Variants in PARP12 observed in about 807,000 individuals in gnomAD.
The protein encoded by PARP12 is protein mono-ADP-ribosyltransferase PARP12.
A neutral mutation model predicts 72.4 loss-of-function variants in PARP12; 59 were observed. That is an observed-to-expected ratio of 0.81 (90% CI 0.66 to 1.01). The LOEUF is 1.01. Ranked by LOEUF, PARP12 falls within the 50% of genes least tolerant of loss-of-function variation. PARP12 has a pLI of 0.00. For missense variants in PARP12, 851 were observed against 914.0 expected, an observed-to-expected ratio of 0.93 and a Z score of 0.89; for synonymous variants, 403 against 371.4, an observed-to-expected ratio of 1.09 and a Z score of -0.98.
intron 5 of PARP12, among the ~76,000 whole-genome samples, chr7:140,043,381 A>G (rs1816576844): frequency 6.6e-6 from 1 of 152,240 alleles, no homozygotes; most frequent in Non-Finnish European, 1.5e-5. Flanking sequence ...GGAATTGAGC[A>G]TCAAAAGTAT....
intron 8 of PARP12, chr7:140,033,569 C>T (rs1451048341): frequency 2.0e-6 from 2 of 985,404 alleles, no homozygotes; most frequent in Non-Finnish European, 2.4e-6. Flanking sequence ...ACACTGACCC[C>T]TTCCTCTCAG....
intron 8 of PARP12, among the ~76,000 whole-genome samples, chr7:140,030,944 G>A (rs1329254598): frequency 1.3e-5 from 2 of 152,146 alleles, no homozygotes; most frequent in Admixed American, 6.5e-5. Context: ...GTAAAAATGT[G>A]AGTAAATTTA....
At chr7:140,046,764 C>T in intron 5 of PARP12, 120 bp downstream of exon 5, 1 of 1,111,968 alleles carries the variant, frequency 9.0e-7, no homozygotes, top group Non-Finnish European at 1.3e-6. Context: ...GTGTCACACA[C>T]AGAAGCCCAG....
chr7:140,055,147 A>C (rs1407084185), intron 3 of PARP12, among the ~76,000 whole-genome samples: 1 of 152,246 alleles, frequency 6.6e-6, no homozygotes, highest in African/African-American at 2.4e-5. Flanking sequence ...TAAGGGGAGA[A>C]CCATTGTCTT....
At chr7:140,050,960 A>G (rs757422674) in intron 4 of PARP12, among the ~76,000 whole-genome samples, 14 of 152,356 alleles carry the variant, frequency 9.2e-5, no homozygotes, top group Middle Eastern at 3.4e-3. Context: ...AAAAATGGGT[A>G]TAACTGTCAC....
In PARP12 at chr7:140,048,390, C is replaced by A. The variant is rs537455483; in HGVS notation, c.863-1383G>T. ...GCCACCACCGGGAACGCCACCCACACCCTCTCCCTACCTGTCAACAGCCTA... is the reference window on the plus strand; with the variant it reads ...GCCACCACCGGGAACGCCACCCACAACCTCTCCCTACCTGTCAACAGCCTA... On this transcript the variant is annotated intron_variant, in intron 4 of 11. Coordinates refer to ENST00000263549, the MANE Select transcript of PARP12 (RefSeq NM_022750.4). Among the ~76,000 whole-genome samples, 170 of 152,264 alleles carry A rather than the reference C, an allele frequency of 1.1e-3. 2 individuals are homozygous for A. The highest frequency in any genetic ancestry group is 2.2e-3 in the Admixed American group (33 of 15,290).
intron 7 of PARP12, among the ~76,000 whole-genome samples, chr7:140,035,414 C>G (rs1265965077): frequency 6.6e-6 from 1 of 152,218 alleles, no homozygotes; most frequent in Non-Finnish European, 1.5e-5. Flanking sequence ...GATACGTGGA[C>G]TGGCTAAATG....
chr7:140,037,962 C>G (rs1325304574), intron 6 of PARP12, 106 bp from the exon 7 acceptor site: 1 of 1,494,532 alleles, frequency 6.7e-7, no homozygotes, highest in African/African-American at 1.4e-5. Context: ...GTGGACAGTC[C>G]TGTGGTGGGG....
rs899881436 is a variant in PARP12, at chr7:140,035,993, G to A, written c.1325-1662C>T. Among the ~76,000 whole-genome samples, 76 of 54,104 alleles carry A rather than the reference G, an allele frequency of 1.4e-3. 4 individuals carry two copies. The highest frequency in any genetic ancestry group is 8.4e-3 in the African/African-American group (50 of 5,928). 35.5% of individuals were successfully genotyped at this position (54,104 alleles called of 152,430 possible). On this transcript the variant is annotated intron_variant, in intron 7 of 11. Coordinates refer to ENST00000263549, the MANE Select transcript of PARP12 (RefSeq NM_022750.4). The stretch of plus-strand genomic sequence containing the variant: ...GGACGAGGAGGAGGAGGAGGAGGAG[G>A]AGGAGGAGAAGGAGGAGAAGGAGGA...
intron 9 of PARP12, among the ~76,000 whole-genome samples, chr7:140,028,056 G>A (rs936192738): frequency 1.3e-5 from 2 of 152,186 alleles, no homozygotes; most frequent in African/African-American, 2.4e-5. Context: ...GACAGTGCTC[G>A]GCAGCCGGCC....
chr7:140,034,137 G>A (rs1816052274), intron 8 of PARP12, 98 bp downstream of exon 8: 22 of 1,473,816 alleles, frequency 1.5e-5, no homozygotes, highest in East Asian at 2.7e-5. Flanking sequence ...ACAAGCCAAC[G>A]GTGCCCGGGT....
At chr7:140,052,986 T>C (rs562583083) in intron 4 of PARP12, among the ~76,000 whole-genome samples, 2 of 152,198 alleles carry the variant, frequency 1.3e-5, no homozygotes, top group Non-Finnish European at 2.9e-5. Flanking sequence ...ACTGAAACTC[T>C]CACACGTTGC....
At chr7:140,041,588 C>A in intron 6 of PARP12, 56 bp downstream of exon 6, 1 of 1,528,050 alleles carries the variant, frequency 6.5e-7, no homozygotes. Flanking sequence ...TCTTATTTGG[C>A]TCCTCTCTTA....
At position 140,059,746 on chromosome 7, in the gene PARP12, G is replaced by A. The variant is rs189984406; in HGVS notation, c.327-1712C>T. ...GCCTGCTCTCTTTCCCTCATCTAGC[G>A]GAGGTGACAGACATAGAGGAGACTC... On this transcript the variant is annotated intron_variant, in intron 1 of 11. Transcript: ENST00000263549. Among the ~76,000 whole-genome samples the A allele has an allele frequency of 1.8e-3, 271 of 152,296 alleles. 3 individuals are homozygous for A. Among genetic ancestry groups the A allele is most frequent in the Non-Finnish European group, 4.7e-4 (32 of 68,030 alleles).
At chr7:140,041,900 C>G in intron 5 of PARP12, 61 bp from the exon 6 acceptor site, 2 of 1,407,098 alleles carry the variant, frequency 1.4e-6, no homozygotes, top group South Asian at 2.5e-5. Flanking sequence ...ACAGGTCCCT[C>G]AGCTTGAGAA....
At chr7:140,057,314 T>C in intron 2 of PARP12, 161 bp from the exon 3 acceptor site, 1 of 712,644 alleles carries the variant, frequency 1.4e-6, no homozygotes, top group Non-Finnish European at 2.3e-6. Flanking sequence ...TGACGGCTGC[T>C]AACAAATGCC....
intron 4 of PARP12, among the ~76,000 whole-genome samples, chr7:140,049,157 G>C (rs1042416837): frequency 7.9e-5 from 12 of 152,170 alleles, no homozygotes; most frequent in African/African-American, 2.9e-4. Flanking sequence ...GGGATTGTGT[G>C]ATCAGGTATG....
chr7:140,054,294 C>A (rs1325829093), intron 4 of PARP12, among the ~76,000 whole-genome samples: 2 of 152,172 alleles, frequency 1.3e-5, no homozygotes, highest in Admixed American at 1.3e-4. Context: ...TTTCCAGTTT[C>A]TAAGGGAGCT....
At chr7:140,057,322 G>A (rs1817228460) in intron 2 of PARP12, 169 bp from the exon 3 acceptor site, 1 of 689,684 alleles carries the variant, frequency 1.4e-6, no homozygotes, top group East Asian at 2.6e-5. Context: ...GCTAACAAAT[G>A]CCCTTGGCTA....
Sources: gnomAD v4.1 joint callset for allele counts (sites outside exome capture counted in the v4.1 genomes callset) on GRCh38, gnomAD v4.1.1 for gene constraint, MANE v1.5 for transcripts, NCBI Gene and HGNC (gene_info 2026-07-23, HGNC 2026-07-21) for gene names.